The following FGD4 variants were observed in gnomAD, a reference collection of about 807,000 sequenced individuals.
The protein encoded by FGD4 is FYVE, RhoGEF and PH domain-containing protein 4.
A neutral mutation model predicts 102.0 loss-of-function variants in FGD4; 42 were observed. The ratio of observed to expected loss-of-function variants is 0.41; its 90% CI spans 0.32 to 0.53. The LOEUF (loss-of-function observed/expected upper bound fraction) is 0.53, where lower values mean the gene tolerates loss of function less well. Ranked by LOEUF, FGD4 falls within the 20% of genes least tolerant of loss-of-function variation. FGD4 has a pLI of 0.21. For synonymous variants in FGD4, 380 were observed against 375.7 expected, an observed-to-expected ratio of 1.01 and a Z score of -0.13; for missense variants, 902 against 1,078.2, an observed-to-expected ratio of 0.84 and a Z score of 2.29.
chr12:32,413,279 TA>T lies in FGD4; in HGVS notation c.166+13328del, dbSNP rs201742019. Among the ~76,000 whole-genome samples the T allele has an allele frequency of 7.2e-3, 1,088 of 151,588 alleles. 8 individuals are homozygous for T. Among genetic ancestry groups the T allele is most frequent in the African/African-American group, 0.025 (1,035 of 41,300 alleles). On this transcript the variant is annotated intron_variant, in intron 1 of 16. Coordinates refer to ENST00000534526, the MANE Select transcript of FGD4 (RefSeq NM_001370298.3). ...TGTATCCCAGAACTTAAAGTATATA[TA>T]AAAAAAATTACCAAAAACCTATTTA...
At chr12:32,446,638 A>C (rs1051378793) in intron 1 of FGD4, among the ~76,000 whole-genome samples, 6 of 152,238 alleles carry the variant, frequency 3.9e-5, no homozygotes, top group African/African-American at 1.4e-4. Context: ...GCATGGAAAC[A>C]GGAAACAAAC....
intron 15 of FGD4, among the ~76,000 whole-genome samples, chr12:32,638,053 G>A (rs1372440037): frequency 6.6e-6 from 1 of 152,080 alleles, no homozygotes; most frequent in East Asian, 1.9e-4. Flanking sequence ...AGTAGGTATC[G>A]CATTGTCGTT....
Position 32,468,123 on chromosome 12 carries a change from A to G in FGD4, c.166+68164A>G, listed in dbSNP as rs370165423. Among the ~76,000 whole-genome samples, 6 of 151,670 alleles carry G rather than the reference A, an allele frequency of 4.0e-5. No individual in the cohort carries two copies. In the East Asian group the frequency reaches 7.8e-4, roughly 20 times the overall value. On this transcript the variant is annotated intron_variant, in intron 1 of 16. Transcript: ENST00000534526. ...AGTAGCACCCTCTTGGCTCACTGCA[A>G]CCTCAAACTCTTGGACTCAAGCATT...
intron 2 of FGD4, among the ~76,000 whole-genome samples, chr12:32,564,851 G>A (rs1340270729): frequency 6.6e-6 from 1 of 152,148 alleles, no homozygotes; most frequent in Non-Finnish European, 1.5e-5. Context: ...ATTTTTTTCA[G>A]TGACCATTTC....
At chr12:32,556,390 A>C (rs1332668207) in intron 1 of FGD4, among the ~76,000 whole-genome samples, 1 of 152,164 alleles carries the variant, frequency 6.6e-6, no homozygotes, top group Non-Finnish European at 1.5e-5. Flanking sequence ...TGAATTCTGC[A>C]CCCACTAAAC....
intron 1 of FGD4, among the ~76,000 whole-genome samples, chr12:32,427,157 A>G (rs562282900): frequency 6.6e-6 from 1 of 151,956 alleles, no homozygotes; most frequent in African/African-American, 2.4e-5. Flanking sequence ...TTGTGATTTT[A>G]GGGTGTCGAT....
chr12:32,634,697 A>G (rs1469214734), intron 15 of FGD4, among the ~76,000 whole-genome samples: 1 of 152,168 alleles, frequency 6.6e-6, no homozygotes, highest in Non-Finnish European at 1.5e-5. Flanking sequence ...GTTTATTAAG[A>G]ATCTCTAAAG....
At chr12:32,497,073 A>G (rs1937867216) in intron 1 of FGD4, among the ~76,000 whole-genome samples, 2 of 152,204 alleles carry the variant, frequency 1.3e-5, no homozygotes, top group African/African-American at 4.8e-5. Context: ...CTAAAAATAT[A>G]AGACCTCCTC....
chr12:32,624,577 C>T (rs1408414852), intron 12 of FGD4, 125 bp downstream of exon 12: 1 of 807,204 alleles, frequency 1.2e-6, no homozygotes, highest in East Asian at 2.7e-5. Flanking sequence ...CTCAAGCAAG[C>T]CTTGCATCTC....
chr12:32,464,326 C>G (rs1334848376), intron 1 of FGD4, among the ~76,000 whole-genome samples: 1 of 151,950 alleles, frequency 6.6e-6, no homozygotes, highest in Admixed American at 6.6e-5. Context: ...CTAATTTTTT[C>G]TGTTTTAGTA....
At chr12:32,460,513 AAAG>A (rs1174113205) in intron 1 of FGD4, among the ~76,000 whole-genome samples, 2 of 151,974 alleles carry the variant, frequency 1.3e-5, no homozygotes, top group African/African-American at 4.8e-5. Flanking sequence ...AAAAAAAAAA[AAAG>A]AAGAAGAAAA....
chr12:32,586,202 TAG>T, intron 4 of FGD4, among the ~76,000 whole-genome samples: 1 of 152,244 alleles, frequency 6.6e-6, no homozygotes, highest in East Asian at 1.9e-4. Flanking sequence ...CTGAAAACAT[TAG>T]AGACTTTTAA....
chr12:32,568,503 A>G (rs10844246), intron 2 of FGD4, among the ~76,000 whole-genome samples: 21,054 of 151,740 alleles, frequency 0.14, 1,634 homozygotes, highest in Middle Eastern at 0.21. Context: ...CAGTGACTCA[A>G]AATAGCTCCT....
At position 32,547,459 on chromosome 12, in the gene FGD4, C is replaced by G. The variant is rs115615879; in HGVS notation, c.167-16678C>G. Reference sequence around the variant, plus strand: ...AAATACACACACATACACACACACCCCAGCCTAACCACTTACCACCTCTTA... The same window carrying G: ...AAATACACACACATACACACACACCGCAGCCTAACCACTTACCACCTCTTA... On this transcript the variant is annotated intron_variant, in intron 1 of 16. Transcript: ENST00000534526. 4.8e-3 allele frequency among the ~76,000 whole-genome samples: 735 copies of G among 152,188 alleles called. 12 individuals carry two copies. Among genetic ancestry groups the G allele is most frequent in the African/African-American group, 0.017 (698 of 41,510 alleles).
chr12:32,617,577 C>G (rs1351488417), intron 10 of FGD4, among the ~76,000 whole-genome samples: 1 of 152,232 alleles, frequency 6.6e-6, no homozygotes, highest in Admixed American at 6.5e-5. Context: ...CCTAGGACTT[C>G]TAGAAATTGC....
chr12:32,502,047 C>T (rs910219087), intron 1 of FGD4: 1 of 985,308 alleles, frequency 1.0e-6, no homozygotes, highest in African/African-American at 1.7e-5. Context: ...AAGGCTGGAG[C>T]ACAAAGACAG....
intron 1 of FGD4, among the ~76,000 whole-genome samples, chr12:32,503,306 A>C (rs1337259713): frequency 6.6e-6 from 1 of 152,228 alleles, no homozygotes; most frequent in Non-Finnish European, 1.5e-5. Flanking sequence ...TTGCAAGGAA[A>C]GCCTTGGCTC....
intron 5 of FGD4, among the ~76,000 whole-genome samples, chr12:32,599,494 C>CA (rs777429838): frequency 0.06 from 1,182 of 19,642 alleles, 157 homozygotes; most frequent in Non-Finnish European, 0.07. Flanking sequence ...GACTCCGTCT[C>CA]AAAAAAAAAA....
chr12:32,600,368 A>C, intron 5 of FGD4: 1 of 879,056 alleles, frequency 1.1e-6, no homozygotes, highest in Non-Finnish European at 1.6e-6. Flanking sequence ...TAACTATTGG[A>C]GCCTCTAAGG....
Sources: gnomAD v4.1 joint callset for allele counts (sites outside exome capture counted in the v4.1 genomes callset) on GRCh38, gnomAD v4.1.1 for gene constraint, MANE v1.5 for transcripts, NCBI Gene and HGNC (gene_info 2026-07-23, HGNC 2026-07-21) for gene names.